RAB38: variants seen among roughly 807,000 people sequenced by gnomAD.
The protein encoded by RAB38 is ras-related protein Rab-38.
In RAB38, 15 loss-of-function variants were observed where a neutral mutation model predicts 18.4. The ratio of observed to expected loss-of-function variants is 0.82; its 90% CI spans 0.55 to 1.26. The LOEUF (loss-of-function observed/expected upper bound fraction) is 1.26. Among genes scored for constraint, RAB38 ranks in the 50% most tolerant of loss-of-function variants. RAB38 has a pLI of 0.00. For synonymous variants in RAB38, 101 were observed against 104.4 expected (o/e 0.97, Z 0.20); for missense variants, 294 against 267.4 (o/e 1.10, Z -0.69).
the RAB38 span, among the ~76,000 whole-genome samples, chr11:88,021,186 T>C: frequency 6.6e-6 from 1 of 151,922 alleles, no homozygotes; most frequent in African/African-American, 2.4e-5. Flanking sequence ...AAGATAAAAT[T>C]GACAAAACTT....
chr11:87,829,244 C>G, the RAB38 span, among the ~76,000 whole-genome samples: 3 of 152,176 alleles, frequency 2.0e-5, no homozygotes, highest in African/African-American at 7.2e-5. Context: ...TGATCACCAC[C>G]TGGGTGATGG....
chr11:87,832,569 C>A, the RAB38 span, among the ~76,000 whole-genome samples: 1 of 152,094 alleles, frequency 6.6e-6, no homozygotes, highest in Non-Finnish European at 1.5e-5. Context: ...CCACTGGGGG[C>A]CTCCCTTAAC....
intron 1 of RAB38, among the ~76,000 whole-genome samples, chr11:88,152,759 TAAAA>T (rs750877411): frequency 8.5e-5 from 13 of 152,204 alleles, no homozygotes; most frequent in Admixed American, 3.3e-4. Flanking sequence ...ATTTACTTTT[TAAAA>T]AAATGACTAT....
chr11:88,148,921 A>T (rs565556108), intron 2 of RAB38, among the ~76,000 whole-genome samples: 2 of 150,636 alleles, frequency 1.3e-5, no homozygotes, highest in South Asian at 4.2e-4. Flanking sequence ...CCATGAAAGT[A>T]TTTTTTTTTT....
At chr11:87,874,115 T>G in the RAB38 span, among the ~76,000 whole-genome samples, 1 of 150,922 alleles carries the variant, frequency 6.6e-6, no homozygotes, top group Admixed American at 6.6e-5. Flanking sequence ...TCCTGTTAAA[T>G]GAATCTTTCC....
the RAB38 span, among the ~76,000 whole-genome samples, chr11:88,093,324 A>G: frequency 6.6e-6 from 1 of 151,894 alleles, no homozygotes; most frequent in East Asian, 1.9e-4. Flanking sequence ...AGGCAAATCC[A>G]TAGAGAAAAA....
At chr11:87,831,441 G>A in the RAB38 span, among the ~76,000 whole-genome samples, 1 of 152,194 alleles carries the variant, frequency 6.6e-6, no homozygotes, top group African/African-American at 2.4e-5. Flanking sequence ...CAGGAATTCA[G>A]ATGAGATCAA....
At chr11:88,052,016 G>A in the RAB38 span, among the ~76,000 whole-genome samples, 1 of 152,080 alleles carries the variant, frequency 6.6e-6, no homozygotes, top group African/African-American at 2.4e-5. Flanking sequence ...CCAGCTACTT[G>A]GGAGGCTAAA....
chr11:87,866,659 C>T, the RAB38 span, among the ~76,000 whole-genome samples: 1 of 151,664 alleles, frequency 6.6e-6, no homozygotes, highest in African/African-American at 2.4e-5. Flanking sequence ...GAACTCCTAC[C>T]GTGTGCCATA....
chr11:88,143,687 A>T (rs1158396720), intron 2 of RAB38, among the ~76,000 whole-genome samples: 1 of 152,230 alleles, frequency 6.6e-6, no homozygotes, highest in East Asian at 1.9e-4. Flanking sequence ...GAGTCAGGTT[A>T]TTATGATTGT....
the RAB38 span, among the ~76,000 whole-genome samples, chr11:88,088,215 G>T: frequency 7.9e-5 from 12 of 151,976 alleles, no homozygotes; most frequent in Admixed American, 5.9e-4. Context: ...CAATTAGGCA[G>T]AAGAGAAGAA....
At chr11:87,910,642 T>C in the RAB38 span, among the ~76,000 whole-genome samples, 188 of 18,672 alleles carry the variant, frequency 0.01, no homozygotes, top group African/African-American at 0.014. Context: ...TCTTTTTTTT[T>C]TTTTTTTTTT....
chr11:87,972,013 C>G, the RAB38 span, among the ~76,000 whole-genome samples: 1 of 151,452 alleles, frequency 6.6e-6, no homozygotes, highest in Non-Finnish European at 1.5e-5. Flanking sequence ...GACACATTAA[C>G]AGTTGTTGAT....
the RAB38 span, among the ~76,000 whole-genome samples, chr11:87,857,424 C>T: frequency 1.3e-5 from 2 of 152,114 alleles, no homozygotes; most frequent in Admixed American, 6.6e-5. Context: ...TTCTAGATCC[C>T]TGAGGAATCG....
At chr11:87,840,271 GAAAT>G in the RAB38 span, among the ~76,000 whole-genome samples, 1 of 152,130 alleles carries the variant, frequency 6.6e-6, no homozygotes, top group Non-Finnish European at 1.5e-5. Flanking sequence ...CTAGAGAAGA[GAAAT>G]AAATCCCCTA....
intron 2 of RAB38, among the ~76,000 whole-genome samples, chr11:88,144,868 C>T (rs746743790): frequency 3.9e-5 from 6 of 152,008 alleles, no homozygotes; most frequent in Non-Finnish European, 8.8e-5. Context: ...CAACTTGCTC[C>T]ATTCTTTCCC....
At chr11:87,975,417 A>C in the RAB38 span, among the ~76,000 whole-genome samples, 1 of 151,954 alleles carries the variant, frequency 6.6e-6, no homozygotes, top group South Asian at 2.1e-4. Context: ...TTTGCCAGCA[A>C]ACTTGTACTA....
At chr11:88,019,291 T>TA in the RAB38 span, among the ~76,000 whole-genome samples, 1 of 152,154 alleles carries the variant, frequency 6.6e-6, no homozygotes, top group African/African-American at 2.4e-5. Context: ...TCAAATATCT[T>TA]AGAGTCATCT....
At chr11:87,824,044 G>T in the RAB38 span, among the ~76,000 whole-genome samples, 2 of 152,034 alleles carry the variant, frequency 1.3e-5, no homozygotes, top group Admixed American at 1.3e-4. Flanking sequence ...TGAAAGATGA[G>T]GATTAGTTAA....
Sources: allele counts gnomAD v4.1 joint callset (sites outside exome capture counted in the v4.1 genomes callset), GRCh38; gene constraint gnomAD v4.1.1; transcripts MANE v1.5; gene names NCBI Gene and HGNC (gene_info 2026-07-23, HGNC 2026-07-21).